MGA: variants seen among roughly 807,000 people sequenced by gnomAD.
The protein encoded by MGA is MAX gene-associated protein.
MGA carries 40 observed loss-of-function variants against 261.1 expected under a neutral mutation model. That is an observed-to-expected ratio of 0.15 (90% CI 0.12 to 0.20). The LOEUF is 0.20. Among genes scored for constraint, MGA ranks in the 10% least tolerant of loss-of-function variants. The pLI, the probability that MGA is intolerant of heterozygous loss-of-function variation, is 1.00. For synonymous variants in MGA, 1,302 were observed against 1,290.6 expected (o/e 1.01, Z -0.19); for missense variants, 3,397 against 3,630.5 (o/e 0.94, Z 1.65).
At chr15:41,701,224 C>A (rs961756325) in intron 5 of MGA, among the ~76,000 whole-genome samples, 1 of 151,972 alleles carries the variant, frequency 6.6e-6, no homozygotes. Flanking sequence ...TTAACTTAAC[C>A]TGTCTTCTCC....
intron 2 of MGA, among the ~76,000 whole-genome samples, chr15:41,688,195 C>A (rs1173554939): frequency 6.6e-6 from 1 of 152,174 alleles, no homozygotes; most frequent in Non-Finnish European, 1.5e-5. Context: ...CCTGCCTCAG[C>A]TTCCCAAGTA....
chr15:41,721,353 A>G (rs376965480), intron 9 of MGA, among the ~76,000 whole-genome samples: 2 of 152,244 alleles, frequency 1.3e-5, no homozygotes, highest in African/African-American at 4.8e-5. Context: ...CTCTAATCCC[A>G]GCTACTCAGG....
intron 1 of MGA, among the ~76,000 whole-genome samples, chr15:41,622,086 C>T (rs550727385): frequency 6.6e-6 from 1 of 152,248 alleles, no homozygotes; most frequent in African/African-American, 2.4e-5. Flanking sequence ...CTGCGCCGGC[C>T]TGTGGTTTTC....
chr15:41,692,262 T>G (rs978034352), intron 2 of MGA, among the ~76,000 whole-genome samples: 6 of 152,218 alleles, frequency 3.9e-5, no homozygotes, highest in Non-Finnish European at 8.8e-5. Context: ...TAAGCATTGG[T>G]AGACTACATG....
At chr15:41,634,417 T>C (rs886155568) in intron 1 of MGA, among the ~76,000 whole-genome samples, 2 of 152,244 alleles carry the variant, frequency 1.3e-5, no homozygotes, top group African/African-American at 4.8e-5. Context: ...TGACTCTTAA[T>C]CTTCCTGCTG....
chr15:41,760,094 T>A, intron 19 of MGA: 1 of 472,306 alleles, frequency 2.1e-6, no homozygotes, highest in South Asian at 3.2e-5. Flanking sequence ...AAATTTGAAC[T>A]GAGAGCTGGT....
intron 2 of MGA, among the ~76,000 whole-genome samples, chr15:41,689,675 C>G (rs1296802825): frequency 6.6e-6 from 1 of 151,114 alleles, no homozygotes; most frequent in African/African-American, 2.4e-5. Context: ...AGGTGATTTT[C>G]CTGCTTTAGC....
chr15:41,765,730 A>C (rs2063764894), intron 23 of MGA, among the ~76,000 whole-genome samples: 1 of 152,212 alleles, frequency 6.6e-6, no homozygotes, highest in Non-Finnish European at 1.5e-5. Flanking sequence ...GCCTTAGGAG[A>C]AGAATTAACT....
At chr15:41,716,443 G>C (rs2151541765) in intron 9 of MGA, among the ~76,000 whole-genome samples, 1 of 151,890 alleles carries the variant, frequency 6.6e-6, no homozygotes, top group East Asian at 1.9e-4. Context: ...GACAAAGCGA[G>C]ACTCCGTATC....
chr15:41,656,696 CCTT>C (rs1489824263), upstream of MGA, among the ~76,000 whole-genome samples: 4 of 151,534 alleles, frequency 2.6e-5, no homozygotes, highest in African/African-American at 7.3e-5. Context: ...ACATTTCTGT[CCTT>C]CTTTTCATCC....
intron 2 of MGA, among the ~76,000 whole-genome samples, chr15:41,691,884 G>T (rs181341428): frequency 2.0e-5 from 3 of 151,686 alleles, no homozygotes; most frequent in Admixed American, 1.3e-4. Flanking sequence ...GCCTGACCTT[G>T]ATGTGCCTAG....
Position 41,762,961 on chromosome 15 carries a change from T to A in MGA, c.7744+599T>A, listed in dbSNP as rs1211824100. ...TTTTTTAAACTTATCTTTTCAGACT[T>A]ATACTTGACTTCGTGATTTCCCTGC... On this transcript the variant is annotated intron_variant, in intron 22 of 23. Transcript: ENST00000219905. Among the ~76,000 whole-genome samples the A allele has an allele frequency of 2.0e-5, 3 of 152,238 alleles. No homozygotes were observed. In the South Asian group the frequency reaches 6.2e-4, roughly 32 times the overall value.
intron 9 of MGA, among the ~76,000 whole-genome samples, chr15:41,716,647 A>G (rs936732124): frequency 6.6e-6 from 1 of 151,886 alleles, no homozygotes; most frequent in Non-Finnish European, 1.5e-5. Flanking sequence ...AACTGAGGGT[A>G]AAAAAAAGTA....
intron 15 of MGA, among the ~76,000 whole-genome samples, chr15:41,747,182 C>A (rs1284210666): frequency 6.6e-6 from 1 of 152,068 alleles, no homozygotes; most frequent in Non-Finnish European, 1.5e-5. Flanking sequence ...TTCCCTGCTT[C>A]TTTGATGTCT....
At chr15:41,745,312 C>G (rs1453767270) in intron 15 of MGA, among the ~76,000 whole-genome samples, 2 of 101,756 alleles carry the variant, frequency 2.0e-5, no homozygotes, top group African/African-American at 3.6e-5. Flanking sequence ...AAAAAAGAGA[C>G]AGCATTAATT....
intron 9 of MGA, among the ~76,000 whole-genome samples, chr15:41,718,159 T>C (rs2060737638): frequency 6.6e-6 from 1 of 151,632 alleles, no homozygotes; most frequent in Non-Finnish European, 1.5e-5. Flanking sequence ...TATAACAGAT[T>C]AAATGAGATC....
chr15:41,637,040 G>A (rs1009815928), intron 1 of MGA, among the ~76,000 whole-genome samples: 3 of 152,104 alleles, frequency 2.0e-5, no homozygotes, highest in Non-Finnish European at 4.4e-5. Context: ...CTCTGGGGGC[G>A]GGGGTGGTAA....
chr15:41,707,975 C>T, intron 6 of MGA, 116 bp downstream of exon 6: 1 of 1,391,680 alleles, frequency 7.2e-7, no homozygotes, highest in South Asian at 1.4e-5. Context: ...TAAGATAGAT[C>T]TTTTGTCTGT....
rs551824880 is a variant in MGA, at chr15:41,728,766, A to G, written c.3658-398A>G. ...TCAGGGGTCAGCTGGATAGAAAATA[A>G]GAGTAAATATTTAGAAATTTCTACA... On this transcript the variant is annotated intron_variant, in intron 10 of 23. Transcript: ENST00000219905. 5.3e-5 allele frequency among the ~76,000 whole-genome samples: 8 copies of G among 152,336 alleles called. No homozygotes were observed. The South Asian group carries it at 1.0e-3, about 20-fold the overall frequency.
Sources: allele counts gnomAD v4.1 joint callset (sites outside exome capture counted in the v4.1 genomes callset), GRCh38; gene constraint gnomAD v4.1.1; transcripts MANE v1.5; gene names NCBI Gene and HGNC (gene_info 2026-07-23, HGNC 2026-07-21).